TNS3: variants seen among roughly 807,000 people sequenced by gnomAD.
TNS3 encodes the protein tensin 3.
A neutral mutation model predicts 140.9 loss-of-function variants in TNS3; 45 were observed. That is an observed-to-expected ratio of 0.32 (90% CI 0.25 to 0.41). TNS3 has a LOEUF of 0.41. Ranked by LOEUF, TNS3 falls within the 10% of genes least tolerant of loss-of-function variation. TNS3 has a pLI of 1.00. For missense variants in TNS3, 1,716 were observed against 1,906.7 expected (o/e 0.90, Z 1.86); for synonymous variants, 815 against 788.4 (o/e 1.03, Z -0.56).
intron 3 of TNS3, among the ~76,000 whole-genome samples, chr7:47,483,051 C>G (rs940190695): frequency 8.5e-5 from 13 of 152,268 alleles, no homozygotes; most frequent in Non-Finnish European, 1.6e-4. Context: ...AGGAGAGAAT[C>G]CTAATGTAAA....
At chr7:47,387,176 T>C (rs757361818) in intron 16 of TNS3, among the ~76,000 whole-genome samples, 2 of 152,228 alleles carry the variant, frequency 1.3e-5, no homozygotes, top group African/African-American at 2.4e-5. Flanking sequence ...CAACTTTCAA[T>C]AGCAGAACTT....
chr7:47,430,683 C>A (rs918108245), intron 8 of TNS3, among the ~76,000 whole-genome samples: 2 of 151,948 alleles, frequency 1.3e-5, no homozygotes, highest in African/African-American at 4.8e-5. Context: ...ACAAAACAAA[C>A]CTTAACGAAT....
chr7:47,576,769 G>A (rs1173367817), intron 1 of TNS3, among the ~76,000 whole-genome samples: 2 of 152,200 alleles, frequency 1.3e-5, no homozygotes, highest in African/African-American at 4.8e-5. Context: ...CCAAGTGAGT[G>A]AAATGTTACA....
At chr7:47,384,393 C>T (rs1352283225) in intron 16 of TNS3, among the ~76,000 whole-genome samples, 4 of 152,232 alleles carry the variant, frequency 2.6e-5, no homozygotes, top group Non-Finnish European at 4.4e-5. Flanking sequence ...TCCAGCCCTG[C>T]GGGCTGCCAT....
intron 2 of TNS3, among the ~76,000 whole-genome samples, chr7:47,520,249 A>G (rs1169600989): frequency 6.6e-6 from 1 of 152,190 alleles, no homozygotes; most frequent in African/African-American, 2.4e-5. Flanking sequence ...AGAAGTTGCC[A>G]CTTGGCCTTG....
At chr7:47,330,957 C>T (rs1329723196) in intron 20 of TNS3, among the ~76,000 whole-genome samples, 4 of 152,264 alleles carry the variant, frequency 2.6e-5, no homozygotes, top group South Asian at 4.2e-4. Flanking sequence ...TCTGTCCCAC[C>T]GGACTCGGGC....
intron 2 of TNS3, among the ~76,000 whole-genome samples, chr7:47,517,389 A>T (rs1584800250): frequency 6.6e-6 from 1 of 152,138 alleles, no homozygotes; most frequent in African/African-American, 2.4e-5. Flanking sequence ...CCCGAAAGCC[A>T]CCCACAGGGC....
chr7:47,462,012 A>G (rs1021743618), intron 4 of TNS3, among the ~76,000 whole-genome samples: 7 of 152,252 alleles, frequency 4.6e-5, no homozygotes, highest in Admixed American at 1.3e-4. Flanking sequence ...GACCCTGGAG[A>G]GAACTCAAAG....
At chr7:47,459,251 G>A (rs1796385238) in intron 4 of TNS3, among the ~76,000 whole-genome samples, 1 of 152,200 alleles carries the variant, frequency 6.6e-6, no homozygotes, top group African/African-American at 2.4e-5. Context: ...GATGCCATGT[G>A]CTTTGGGGTC....
intron 20 of TNS3, among the ~76,000 whole-genome samples, chr7:47,313,728 C>T (rs1201704093): frequency 6.6e-6 from 1 of 152,206 alleles, no homozygotes; most frequent in Non-Finnish European, 1.5e-5. Context: ...GCCCTCAATG[C>T]ACTCCCATGG....
intron 4 of TNS3, among the ~76,000 whole-genome samples, chr7:47,447,070 T>G (rs953525822): frequency 4.6e-5 from 7 of 152,038 alleles, no homozygotes; most frequent in Admixed American, 3.9e-4. Context: ...ATGGGCTCAA[T>G]GAGGTCAATG....
intron 23 of TNS3, among the ~76,000 whole-genome samples, chr7:47,300,746 G>A (rs1354496141): frequency 6.6e-6 from 1 of 152,248 alleles, no homozygotes; most frequent in Non-Finnish European, 1.5e-5. Flanking sequence ...GCCAGCTGGA[G>A]GAGGTGCCGA....
At chr7:47,521,677 G>T (rs1041944501) in intron 2 of TNS3, among the ~76,000 whole-genome samples, 2 of 152,090 alleles carry the variant, frequency 1.3e-5, no homozygotes, top group African/African-American at 4.8e-5. Context: ...AAGGATGAGG[G>T]TCAGCAGGCA....
chr7:47,327,907 G>A (rs934181451), intron 20 of TNS3, among the ~76,000 whole-genome samples: 3 of 152,112 alleles, frequency 2.0e-5, no homozygotes, highest in Admixed American at 1.3e-4. Context: ...GGCCAGAGGC[G>A]CCAGGAGCAC....
chr7:47,549,249 T>G (rs1373253677), intron 1 of TNS3, among the ~76,000 whole-genome samples: 1 of 152,094 alleles, frequency 6.6e-6, no homozygotes, highest in African/African-American at 2.4e-5. Flanking sequence ...TCCCAGCACT[T>G]TGGGAGGCCA....
chr7:47,543,904 T>C (rs540807178), intron 1 of TNS3, among the ~76,000 whole-genome samples: 10 of 152,322 alleles, frequency 6.6e-5, no homozygotes, highest in African/African-American at 2.2e-4. Context: ...TGACATCCTT[T>C]GCATGGTGTT....
intron 17 of TNS3, among the ~76,000 whole-genome samples, chr7:47,366,841 T>C (rs529917525): frequency 1.6e-4 from 25 of 152,128 alleles, no homozygotes; most frequent in Admixed American, 2.0e-4. Context: ...CCAGCACACC[T>C]AAACCAAGAA....
chr7:47,554,388 A>T (rs953713475), intron 1 of TNS3, among the ~76,000 whole-genome samples: 3 of 150,508 alleles, frequency 2.0e-5, no homozygotes, highest in Non-Finnish European at 3.0e-5. Context: ...ACTGCACTCC[A>T]GTCTGGGTGA....
intron 4 of TNS3, among the ~76,000 whole-genome samples, chr7:47,477,911 T>C (rs1797254589): frequency 6.6e-6 from 1 of 152,178 alleles, no homozygotes; most frequent in African/African-American, 2.4e-5. Flanking sequence ...AGAAGAGTGC[T>C]CAGGCTGGGC....
Sources: allele counts gnomAD v4.1 joint callset (sites outside exome capture counted in the v4.1 genomes callset), GRCh38; gene constraint gnomAD v4.1.1; transcripts MANE v1.5; gene names NCBI Gene and HGNC (gene_info 2026-07-23, HGNC 2026-07-21).